The following CNTN3 variants were observed in gnomAD, a reference collection of about 807,000 sequenced individuals.
CNTN3 encodes contactin-3.
In CNTN3, 60 loss-of-function variants were observed where a neutral mutation model predicts 119.1. That is an observed-to-expected ratio of 0.50 (90% confidence interval 0.41 to 0.62). The LOEUF (loss-of-function observed/expected upper bound fraction) is 0.62, where lower values mean the gene tolerates loss of function less well. Ranked by LOEUF, CNTN3 falls within the 20% of genes least tolerant of loss-of-function variation. The pLI, the probability that CNTN3 is intolerant of heterozygous loss-of-function variation, is 0.00. For missense variants in CNTN3, 1,101 were observed against 1,242.4 expected, an observed-to-expected ratio of 0.89 and a Z score of 1.71; for synonymous variants, 450 against 438.7, an observed-to-expected ratio of 1.03 and a Z score of -0.32.
At chr3:74,480,164 G>A (rs766411912) in intron 4 of CNTN3, among the ~76,000 whole-genome samples, 5 of 151,964 alleles carry the variant, frequency 3.3e-5, no homozygotes. Flanking sequence ...ACTGGAAACT[G>A]GTTCCAGTCC....
chr3:74,422,103 CT>C (rs746970985), intron 5 of CNTN3, among the ~76,000 whole-genome samples: 3 of 152,178 alleles, frequency 2.0e-5, no homozygotes, highest in Non-Finnish European at 4.4e-5. Flanking sequence ...ACAAACCAGC[CT>C]TGTACTAGGC....
intron 1 of CNTN3, among the ~76,000 whole-genome samples, chr3:74,586,500 T>C (rs565276174): frequency 1.3e-5 from 2 of 152,246 alleles, no homozygotes; most frequent in East Asian, 1.9e-4. Context: ...TATCAAGTGA[T>C]TGCTTTATAA....
At chr3:74,332,427 C>T (rs1006404305) in intron 13 of CNTN3, among the ~76,000 whole-genome samples, 2 of 152,142 alleles carry the variant, frequency 1.3e-5, no homozygotes, top group African/African-American at 2.4e-5. Flanking sequence ...AATTGGCAAG[C>T]GGTAGCATTA....
chr3:74,592,741 C>A (rs957060262), intron 1 of CNTN3, among the ~76,000 whole-genome samples: 2 of 152,110 alleles, frequency 1.3e-5, no homozygotes, highest in Middle Eastern at 3.4e-3. Flanking sequence ...TTTAGAATAA[C>A]CTCTCTTGTT....
chr3:74,381,391 A>C (rs1009190150), intron 5 of CNTN3, among the ~76,000 whole-genome samples: 1 of 152,108 alleles, frequency 6.6e-6, no homozygotes, highest in Non-Finnish European at 1.5e-5. Context: ...TAAACATGAC[A>C]AAAAAATGCC....
chr3:74,482,702 G>A (rs1246695653), intron 4 of CNTN3, among the ~76,000 whole-genome samples: 2 of 152,104 alleles, frequency 1.3e-5, no homozygotes, highest in Non-Finnish European at 1.5e-5. Flanking sequence ...CAAGAGAAGA[G>A]ACACAGCTAA....
At chr3:74,428,209 T>C (rs1701727502) in intron 4 of CNTN3, among the ~76,000 whole-genome samples, 1 of 152,182 alleles carries the variant, frequency 6.6e-6, no homozygotes, top group South Asian at 2.1e-4. Context: ...GTTACGGGTT[T>C]ATGTATTTAC....
intron 4 of CNTN3, among the ~76,000 whole-genome samples, chr3:74,476,964 T>C (rs746222579): frequency 6.6e-6 from 1 of 151,730 alleles, no homozygotes; most frequent in Non-Finnish European, 1.5e-5. Context: ...CAAAATACAC[T>C]CAAAAGGAAA....
Position 74,482,198 on chromosome 3 carries a change from A to T in CNTN3, c.358+4258T>A, listed in dbSNP as rs542166270. ...GCCAAAAAAGGATAGCCAGAAAAGG[A>T]TAAATAGGCAAAAGTACTACAGAAA... On this transcript the variant is annotated intron_variant, in intron 4 of 22. Transcript: ENST00000263665. Among the ~76,000 whole-genome samples, 13 of 152,140 alleles carry T rather than the reference A, an allele frequency of 8.5e-5. No homozygotes were observed. The East Asian group carries it at 2.5e-3, about 29-fold the overall frequency.
intron 13 of CNTN3, among the ~76,000 whole-genome samples, chr3:74,316,308 A>G (rs1340093866): frequency 1.3e-5 from 2 of 152,196 alleles, no homozygotes; most frequent in Non-Finnish European, 2.9e-5. Flanking sequence ...ACCAGTAAGA[A>G]TGGCTTTTGT....
chr3:74,599,446 A>T (rs930727077), intron 1 of CNTN3, among the ~76,000 whole-genome samples: 1 of 152,030 alleles, frequency 6.6e-6, no homozygotes, highest in African/African-American at 2.4e-5. Context: ...TTCATGGAAG[A>T]CTATTTTTCC....
intron 1 of CNTN3, among the ~76,000 whole-genome samples, chr3:74,532,392 A>G (rs1240158663): frequency 6.6e-6 from 1 of 152,036 alleles, no homozygotes; most frequent in Non-Finnish European, 1.5e-5. Context: ...AGATAGTACC[A>G]AACCTTATGT....
At chr3:74,281,903 C>T (rs1702020903) in intron 20 of CNTN3, among the ~76,000 whole-genome samples, 1 of 152,132 alleles carries the variant, frequency 6.6e-6, no homozygotes, top group Non-Finnish European at 1.5e-5. Flanking sequence ...TGTCTGGATC[C>T]ATTCATACTG....
chr3:74,299,066 G>T (rs1325087707), intron 17 of CNTN3, among the ~76,000 whole-genome samples: 1 of 151,940 alleles, frequency 6.6e-6, no homozygotes, highest in African/African-American at 2.4e-5. Flanking sequence ...AATTACCCAC[G>T]CATGGTGGCG....
At chr3:74,308,753 C>G (rs961964009) in intron 13 of CNTN3, among the ~76,000 whole-genome samples, 2 of 152,044 alleles carry the variant, frequency 1.3e-5, no homozygotes, top group African/African-American at 2.4e-5. Context: ...CACGTCTTCA[C>G]AATTGTTTTT....
At chr3:74,342,061 G>C (rs1330247460) in intron 11 of CNTN3, among the ~76,000 whole-genome samples, 1 of 152,118 alleles carries the variant, frequency 6.6e-6, no homozygotes, top group Non-Finnish European at 1.5e-5. Context: ...TATTCTAAGA[G>C]ATGGATGCTT....
chr3:74,508,546 C>T (rs1259168557), intron 2 of CNTN3, among the ~76,000 whole-genome samples: 1 of 152,114 alleles, frequency 6.6e-6, no homozygotes, highest in Non-Finnish European at 1.5e-5. Flanking sequence ...ATTGTAGACA[C>T]AGTAAGCATA....
At chr3:74,403,946 C>G (rs1705258517) in intron 5 of CNTN3, among the ~76,000 whole-genome samples, 2 of 151,822 alleles carry the variant, frequency 1.3e-5, no homozygotes, top group South Asian at 2.1e-4. Flanking sequence ...TTTCTACTCG[C>G]CCCCCTCCTC....
intron 21 of CNTN3, 112 bp from the exon 22 acceptor site, chr3:74,266,761 G>A: frequency 1.1e-6 from 1 of 880,224 alleles, no homozygotes; most frequent in Non-Finnish European, 1.8e-6. Flanking sequence ...CCACTAGAAT[G>A]TAAGTTTCAT....
Sources: gnomAD v4.1 joint callset for allele counts (sites outside exome capture counted in the v4.1 genomes callset) on GRCh38, gnomAD v4.1.1 for gene constraint, MANE v1.5 for transcripts, NCBI Gene and HGNC (gene_info 2026-07-23, HGNC 2026-07-21) for gene names.